RGS5: variants seen among roughly 807,000 people sequenced by gnomAD.
The protein encoded by RGS5 is regulator of G protein signaling 5, also known as regulator of G-protein signalling 5.
RGS5 carries 20 observed loss-of-function variants against 18.9 expected under a neutral mutation model. That is an observed-to-expected ratio of 1.06 (90% CI 0.74 to 1.54). The LOEUF is 1.54. RGS5 is among the 40% of genes most tolerant of loss of function. The probability of loss-of-function intolerance (pLI) is 0.00; values close to 1 mark genes in which losing one functional copy is unlikely to be tolerated. For missense variants in RGS5, 201 were observed against 211.8 expected, an observed-to-expected ratio of 0.95 and a Z score of 0.32; for synonymous variants, 57 against 76.2, an observed-to-expected ratio of 0.75 and a Z score of 1.31.
rs116568519 is a variant in RGS5 at position 163,276,631 on chromosome 1, C to A, written c.-281+29602G>T. 5.9e-3 allele frequency among the ~76,000 whole-genome samples: 895 copies of A among 152,198 alleles called. 11 individuals are homozygous for A. The highest frequency in any genetic ancestry group is 0.021 in the African/African-American group (854 of 41,522). On this transcript the variant is annotated intron_variant, in intron 2 of 5. Transcript: ENST00000618415. Reference sequence around the variant, plus strand: ...TTTTAAAGGTTAATGAATGGCTGTCCATGTCCATTACTGTCTGACCTAGAA... The same window carrying A: ...TTTTAAAGGTTAATGAATGGCTGTCAATGTCCATTACTGTCTGACCTAGAA...
chr1:163,255,265 TC>T (rs970180317), intron 2 of RGS5, among the ~76,000 whole-genome samples: 2 of 152,202 alleles, frequency 1.3e-5, no homozygotes, highest in Non-Finnish European at 2.9e-5. Flanking sequence ...TGATATTGAT[TC>T]TTTCTACCCA....
Position 163,164,468 on chromosome 1 carries a change from G to A in RGS5, c.156-2492C>T, listed in dbSNP as rs533062046. The stretch of plus-strand genomic sequence containing the variant: ...AGTGGCCATCTCTGCTGGAAGCGCT[G>A]TCTCTCTTTTTACTCTACTCTTACC... On this transcript the variant is annotated intron_variant, in intron 2 of 4. Transcript: ENST00000313961. Among the ~76,000 whole-genome samples the A allele has an allele frequency of 1.3e-4, 20 of 152,300 alleles. No individual in the cohort carries two copies. The South Asian group carries it at 4.2e-3, about 32-fold the overall frequency.
chr1:163,303,161 T>C (rs1649595838), intron 2 of RGS5, among the ~76,000 whole-genome samples: 1 of 152,214 alleles, frequency 6.6e-6, no homozygotes, highest in Non-Finnish European at 1.5e-5. Context: ...TATTCAAATA[T>C]TATATGAAAC....
At chr1:163,282,084 T>C (rs1174058776) in intron 2 of RGS5, among the ~76,000 whole-genome samples, 1 of 151,836 alleles carries the variant, frequency 6.6e-6, no homozygotes, top group Non-Finnish European at 1.5e-5. Flanking sequence ...AATAGACATA[T>C]AGGACTATAT....
At chr1:163,306,242 T>A (rs1313572364) in exon 2 of RGS5, 1 of 152,250 alleles carries the variant, frequency 6.6e-6, no homozygotes, top group Non-Finnish European at 1.5e-5. Flanking sequence ...CCTTCCTCTG[T>A]GAGAGACCCG....
chr1:163,169,314 A>G (rs202213111), intron 1 of RGS5, among the ~76,000 whole-genome samples: 787 of 139,610 alleles, frequency 5.6e-3, no homozygotes, highest in South Asian at 0.011. Flanking sequence ...ATAGTGCCAC[A>G]ATAAACATAT....
At chr1:163,193,174 G>A (rs1240405928) in intron 1 of RGS5, among the ~76,000 whole-genome samples, 1 of 152,116 alleles carries the variant, frequency 6.6e-6, no homozygotes, top group East Asian at 1.9e-4. Context: ...CTAGAATGTA[G>A]AGTTTTAAGT....
At chr1:163,315,937 A>G (rs12130406) in intron 1 of RGS5, among the ~76,000 whole-genome samples, 10,223 of 152,210 alleles carry the variant, frequency 0.067, 360 homozygotes, top group South Asian at 0.095. Context: ...ATGAAATAAA[A>G]CTTTCAAACT....
chr1:163,207,699 A>T (rs1358136842), upstream of RGS5, among the ~76,000 whole-genome samples: 1 of 152,218 alleles, frequency 6.6e-6, no homozygotes, highest in Non-Finnish European at 1.5e-5. Flanking sequence ...TTATAAAAAT[A>T]ATGAAACTAA....
At chr1:163,266,584 T>A (rs1489547298) in intron 2 of RGS5, 1 of 152,160 alleles carries the variant, frequency 6.6e-6, no homozygotes, top group African/African-American at 2.4e-5. Context: ...TTAATGCTTA[T>A]TCATTCTTCA....
At chr1:163,285,565 AAAC>A (rs1016511534) in intron 2 of RGS5, among the ~76,000 whole-genome samples, 27 of 151,958 alleles carry the variant, frequency 1.8e-4, no homozygotes, top group East Asian at 3.9e-4. Flanking sequence ...AAAACAAAAC[AAAC>A]AACAACAAAT....
intron 2 of RGS5, among the ~76,000 whole-genome samples, chr1:163,297,859 CAA>C (rs1274696517): frequency 2.0e-5 from 3 of 151,990 alleles, no homozygotes; most frequent in African/African-American, 7.2e-5. Context: ...TTATAATAAA[CAA>C]ATTATTTTTG....
intron 2 of RGS5, among the ~76,000 whole-genome samples, chr1:163,286,878 T>C (rs1009864752): frequency 1.3e-5 from 2 of 152,294 alleles, no homozygotes; most frequent in African/African-American, 4.8e-5. Context: ...CTTTCATTCC[T>C]TTCTTCAGAG....
chr1:163,270,495 G>A (rs1456728441), intron 2 of RGS5, among the ~76,000 whole-genome samples: 1 of 151,756 alleles, frequency 6.6e-6, no homozygotes, highest in Non-Finnish European at 1.5e-5. Flanking sequence ...ACTCCAGCCT[G>A]GGCAAGAGAG....
At chr1:163,254,696 G>T (rs1243398674) in intron 2 of RGS5, among the ~76,000 whole-genome samples, 1 of 152,076 alleles carries the variant, frequency 6.6e-6, no homozygotes, top group East Asian at 1.9e-4. Flanking sequence ...CATTGCTTTT[G>T]GTGTTTTAGA....
At chr1:163,196,039 A>T (rs962421694) in intron 1 of RGS5, among the ~76,000 whole-genome samples, 1 of 152,134 alleles carries the variant, frequency 6.6e-6, no homozygotes, top group African/African-American at 2.4e-5. Context: ...GTGAGCTCAC[A>T]TCCTTCCTTA....
chr1:163,156,816 G>A (rs1429401911), intron 3 of RGS5, among the ~76,000 whole-genome samples: 1 of 152,010 alleles, frequency 6.6e-6, no homozygotes, highest in East Asian at 1.9e-4. Flanking sequence ...TGAAAACTAG[G>A]GATTGTGATG....
intron 2 of RGS5, among the ~76,000 whole-genome samples, chr1:163,247,136 T>TATG (rs55994968): frequency 0.76 from 116,167 of 151,876 alleles, 45,806 homozygotes; most frequent in African/African-American, 0.95. Context: ...TGGATTGTAC[T>TATG]CTCATTACCT....
chr1:163,236,939 C>T (rs939222551), intron 2 of RGS5, among the ~76,000 whole-genome samples: 1 of 144,918 alleles, frequency 6.9e-6, no homozygotes, highest in Non-Finnish European at 1.5e-5. Context: ...TCAGCCTGGG[C>T]AGCAGAGTGA....
Sources: gnomAD v4.1 joint callset for allele counts (sites outside exome capture counted in the v4.1 genomes callset) on GRCh38, gnomAD v4.1.1 for gene constraint, MANE v1.5 for transcripts, NCBI Gene and HGNC (gene_info 2026-07-23, HGNC 2026-07-21) for gene names.